Variants in CDC7 observed in about 807,000 individuals in gnomAD.
CDC7 encodes the protein cell division cycle 7-related protein kinase.
CDC7 carries 34 observed loss-of-function variants against 53.5 expected under a neutral mutation model. That is an observed-to-expected ratio of 0.64 (90% CI 0.48 to 0.85). The LOEUF (loss-of-function observed/expected upper bound fraction) is 0.85, where lower values mean the gene tolerates loss of function less well. Ranked by LOEUF, CDC7 falls within the 40% of genes least tolerant of loss-of-function variation. The pLI is 0.00. For synonymous variants in CDC7, 211 were observed against 222.8 expected (o/e 0.95, Z 0.47); for missense variants, 594 against 679.7 (o/e 0.87, Z 1.40).
chr1:91,520,291 T>C lies in CDC7; in HGVS notation c.1330+12T>C. On this transcript the variant is annotated intron_variant, in intron 11 of 11. Coordinates refer to ENST00000234626, the MANE Select transcript of CDC7 (RefSeq NM_003503.4). Reference sequence around the variant, plus strand: ...TGCTAAAACTTTTGGTAAGCAGTTTTGTATTATAGAACCAAACAAAATGCC... The same window carrying C: ...TGCTAAAACTTTTGGTAAGCAGTTTCGTATTATAGAACCAAACAAAATGCC... 1.3e-6 allele frequency: 2 copies of C among 1,567,534 alleles called. No individual in the cohort carries two copies. Among genetic ancestry groups the C allele is most frequent in the South Asian group, 1.2e-5 (1 of 81,930 alleles).
chr1:91,517,029 C>G (rs371754158), intron 10 of CDC7, among the ~76,000 whole-genome samples: 19 of 152,250 alleles, frequency 1.2e-4, no homozygotes, highest in African/African-American at 4.1e-4. Context: ...CGCACCATTG[C>G]CCTCCAACCT....
At chr1:91,520,358 A>G (rs1423088623) in intron 11 of CDC7, 79 bp downstream of exon 11, 6 of 1,187,838 alleles carry the variant, frequency 5.1e-6, no homozygotes, top group Non-Finnish European at 6.9e-6. Flanking sequence ...TTATTGTGAA[A>G]TTTTCTTTAC....
rs1376158550 is a variant in CDC7, at chr1:91,524,579, A to C, written c.*144A>C. 1.6e-6 allele frequency: 1 copy of C among 644,396 alleles called. No individual in the cohort carries two copies. Among genetic ancestry groups the C allele is most frequent in the East Asian group, 2.8e-5 (1 of 36,324 alleles). 39.9% of individuals were successfully genotyped at this position (644,396 alleles called of 1,614,324 possible). A position where few individuals can be genotyped will look rare whatever the true frequency, so the allele number is the denominator to read the frequency against. ...AGTGTTTGGTGGCACATTCTAAAAT[A>C]TAGATTAAGAATACTTAAAATGCCT... On this transcript the variant is annotated 3_prime_UTR_variant, in exon 12 of 12. Transcript: ENST00000234626.
At position 91,507,948 on chromosome 1, in the gene CDC7, G is replaced by T; in HGVS notation, c.199+11G>T. 2 of 1,553,532 alleles carry T rather than the reference G, an allele frequency of 1.3e-6. No homozygotes were observed. Among genetic ancestry groups the T allele is most frequent in the Non-Finnish European group, 1.7e-6 (2 of 1,151,638 alleles). The stretch of plus-strand genomic sequence containing the variant: ...ACAAAATTGGAGAAGGTAATCTGGG[G>T]ATATGCTTTTACTATTTTTACGAGG... On this transcript the variant is annotated intron_variant, in intron 3 of 11. Coordinates refer to ENST00000234626, the MANE Select transcript of CDC7 (RefSeq NM_003503.4).
Position 91,517,882 on chromosome 1 carries a change from G to A in CDC7, c.1180+2006G>A, listed in dbSNP as rs574578574. Among the ~76,000 whole-genome samples the A allele has an allele frequency of 5.9e-5, 9 of 152,168 alleles. No homozygotes were observed. In the East Asian group the frequency reaches 1.6e-3, roughly 26 times the overall value. The stretch of plus-strand genomic sequence containing the variant: ...GGAGGCCAAGGCAGGCAGATCACTA[G>A]GTCAGGAGTTCGAGATCAGCCTGGC... On this transcript the variant is annotated intron_variant, in intron 10 of 11. Transcript: ENST00000234626.
Position 91,514,964 on chromosome 1 carries a change from C to T in CDC7, c.1064C>T (p.Ala355Val), listed in dbSNP as rs1571328819. The T allele has an allele frequency of 2.5e-6, 4 of 1,613,492 alleles. No individual in the cohort carries two copies. Among genetic ancestry groups the T allele is most frequent in the Admixed American group, 3.3e-5 (2 of 59,920 alleles). Residue 355 changes from alanine to valine, a missense_variant, in exon 9 of 12, where the codon GCA becomes GTA. Ala to Val is a moderately conservative substitution (Grantham distance 64, BLOSUM62 0). Transcript: ENST00000234626. Reference sequence around the variant, plus strand: ...GCTAGCCTGACCTGTGACTGCTATGCAACAGATAAAGTTTGTAGTATTTGC... The same window carrying T: ...GCTAGCCTGACCTGTGACTGCTATGTAACAGATAAAGTTTGTAGTATTTGC... ...CPASLTCDCYATDKVCSICLS... is the reference protein window; with the variant it reads ...CPASLTCDCYVTDKVCSICLS...
At chr1:91,510,700 C>T (rs1226698751) in intron 4 of CDC7, among the ~76,000 whole-genome samples, 3 of 152,082 alleles carry the variant, frequency 2.0e-5, no homozygotes, top group Non-Finnish European at 4.4e-5. Context: ...TCTTACAATG[C>T]AGTCAGGCAA....
At chr1:91,517,443 A>G (rs1412358446) in intron 10 of CDC7, among the ~76,000 whole-genome samples, 1 of 152,200 alleles carries the variant, frequency 6.6e-6, no homozygotes, top group African/African-American at 2.4e-5. Flanking sequence ...TGTTTACCAG[A>G]TTCCTAGCTT....
Position 91,518,093 on chromosome 1 carries a change from C to CAAAAAAAAAA in CDC7, c.1181-2023_1181-2014dup, listed in dbSNP as rs55787737. Among the ~76,000 whole-genome samples the CAAAAAAAAAA allele has an allele frequency of 4.9e-3, 224 of 46,014 alleles. 38 individuals carry two copies. Among genetic ancestry groups the CAAAAAAAAAA allele is most frequent in the Admixed American group, 0.02 (48 of 2,412 alleles). The allele number at this position is 46,014 out of a possible 152,430, so 30.2% of individuals were successfully genotyped here. A position where few individuals can be genotyped will look rare whatever the true frequency, so the allele number is the denominator to read the frequency against. Reference sequence around the variant, plus strand: ...TGAGCAACAGAGTGAGACTCAGTCTCAAAAAAAAAAAAAAAAAAAAAAAGG... The same window carrying CAAAAAAAAAA: ...TGAGCAACAGAGTGAGACTCAGTCTCAAAAAAAAAAAAAAAAAAAAAAAAAAAAAAAAAGG... On this transcript the variant is annotated intron_variant, in intron 10 of 11. Transcript: ENST00000234626.
In CDC7 at chr1:91,524,053, T is replaced by C; in HGVS notation, c.1343T>C (p.Leu448Ser). 1.3e-6 allele frequency: 2 copies of C among 1,592,926 alleles called. No homozygotes were observed. The highest frequency in any genetic ancestry group is 1.7e-6 in the Non-Finnish European group (2 of 1,170,886). Reference protein sequence around the residue: ...QAAKTFGKSILCSKEVPAQDL... With the variant: ...QAAKTFGKSISCSKEVPAQDL... ...CTTTTGCTTTTAGGGAAATCAATAT[T>C]ATGTAGCAAAGAAGTTCCAGCACAA... The change falls in exon 12 of 12, where the codon TTA becomes TCA. Residue 448 changes from leucine (L) to serine (S), a missense_variant. Transcript: ENST00000234626.
At chr1:91,517,793 A>T (rs1269847759) in intron 10 of CDC7, among the ~76,000 whole-genome samples, 1 of 152,024 alleles carries the variant, frequency 6.6e-6, no homozygotes. Context: ...AGAGGTACCA[A>T]AGGAGCTAAG....
In CDC7 at chr1:91,525,381, T is replaced by C. The variant is rs1668213693; in HGVS notation, c.*946T>C. The C allele has an allele frequency of 6.6e-6, 1 of 152,154 alleles. No individual in the cohort carries two copies. The highest frequency in any genetic ancestry group is 6.5e-5 in the Admixed American group (1 of 15,274). The allele number at this position is 152,154 out of a possible 1,614,324, so 9.4% of individuals were successfully genotyped here. A position where few individuals can be genotyped will look rare whatever the true frequency, so the allele number is the denominator to read the frequency against. On this transcript the variant is annotated 3_prime_UTR_variant, in exon 12 of 12. Transcript: ENST00000234626. Reference sequence around the variant, plus strand: ...CTCTGCGTAGAGCCATCCAGATCTCTGTATCCTGTTTTGACTAAGTCTTAG... The same window carrying C: ...CTCTGCGTAGAGCCATCCAGATCTCCGTATCCTGTTTTGACTAAGTCTTAG...
chr1:91,517,792 A>G (rs901960949), intron 10 of CDC7, among the ~76,000 whole-genome samples: 2 of 152,050 alleles, frequency 1.3e-5, no homozygotes, highest in Non-Finnish European at 2.9e-5. Flanking sequence ...CAGAGGTACC[A>G]AAGGAGCTAA....
At position 91,511,928 on chromosome 1, in the gene CDC7, GTA is replaced by G. The variant is rs1307813069; in HGVS notation, c.572+7_572+8del. 4 of 1,558,534 alleles carry G rather than the reference GTA, an allele frequency of 2.6e-6. No homozygotes were observed. The highest frequency in any genetic ancestry group is 2.6e-6 in the Non-Finnish European group (3 of 1,144,630). On this transcript the variant is annotated splice_donor_region_variant and intron_variant, in intron 6 of 11. Coordinates refer to ENST00000234626, the MANE Select transcript of CDC7 (RefSeq NM_003503.4). ...ATATAATAGGCGCCTGAAAAAGTAAGTATGAAGAGTTACTAGAAAATATTTAT... is the reference window on the plus strand; with the variant it reads ...ATATAATAGGCGCCTGAAAAAGTAAGTGAAGAGTTACTAGAAAATATTTAT...
In CDC7 at chr1:91,520,274, CTT is replaced by C; in HGVS notation, c.1328_1329del (p.Phe443TrpfsTer7). On this transcript the variant is annotated frameshift_variant, in exon 11 of 12. Transcript: ENST00000234626. LOFTEE classifies it low-confidence loss of function (END_TRUNC). ...AGAGAAACTATCCAAGCTGCTAAAA[CTT>C]TTGGTAAGCAGTTTTGTATTATAGA... The C allele has an allele frequency of 6.3e-7, 1 of 1,593,622 alleles. No individual in the cohort carries two copies. The highest frequency in any genetic ancestry group is 8.5e-7 in the Non-Finnish European group (1 of 1,172,010).
At position 91,524,389 on chromosome 1, in the gene CDC7, CAGA is replaced by C. The variant is rs1480628902; in HGVS notation, c.1685_1687del (p.Glu562del). ...CTAAATCCAGCTTCAAGAATAACAG[CAGA>C]AGAAGCTTTGTTGCATCCATTTTTT... On this transcript the variant is annotated inframe_deletion, in exon 12 of 12. Coordinates refer to ENST00000234626, the MANE Select transcript of CDC7 (RefSeq NM_003503.4). 1 of 1,611,980 alleles carries C rather than the reference CAGA, an allele frequency of 6.2e-7. No individual in the cohort carries two copies. Among genetic ancestry groups the C allele is most frequent in the African/African-American group, 1.3e-5 (1 of 74,876 alleles).
intron 2 of CDC7, among the ~76,000 whole-genome samples, chr1:91,507,226 T>C (rs924947443): frequency 4.6e-5 from 7 of 152,268 alleles, no homozygotes; most frequent in African/African-American, 1.4e-4. Flanking sequence ...TATCCAGTAG[T>C]TTACTGGGTT....
At chr1:91,515,708 A>G (rs1266800914) in intron 9 of CDC7, 86 bp from the exon 10 acceptor site, 7 of 1,524,222 alleles carry the variant, frequency 4.6e-6, no homozygotes, top group African/African-American at 1.4e-5. Flanking sequence ...GGCAAAATTT[A>G]CTGTGAACTA....
Position 91,524,514 on chromosome 1 carries a change from T to C in CDC7, c.*79T>C. ...TTTGTAATAGCCACAAGTTCTTGTT[T>C]AGAGACCAGAGCAGGATTAATAATT... On this transcript the variant is annotated 3_prime_UTR_variant, in exon 12 of 12. Coordinates refer to ENST00000234626, the MANE Select transcript of CDC7 (RefSeq NM_003503.4). 1 of 1,068,054 alleles carries C rather than the reference T, an allele frequency of 9.4e-7. No homozygotes were observed. The highest frequency in any genetic ancestry group is 2.3e-5 in the Admixed American group (1 of 44,186). 66.2% of individuals were successfully genotyped at this position (1,068,054 alleles called of 1,614,324 possible).
Sources: allele counts gnomAD v4.1 joint callset (sites outside exome capture counted in the v4.1 genomes callset), GRCh38; gene constraint gnomAD v4.1.1; transcripts MANE v1.5; gene names NCBI Gene and HGNC (gene_info 2026-07-23, HGNC 2026-07-21).